FOCAD: variants seen among roughly 807,000 people sequenced by gnomAD.
The protein encoded by FOCAD is KIAA1797.
In FOCAD, 198 loss-of-function variants were observed where a neutral mutation model predicts 225.6. The ratio of observed to expected loss-of-function variants is 0.88; its 90% CI spans 0.78 to 0.99. The LOEUF is 0.99. Ranked by LOEUF, FOCAD falls within the 50% of genes least tolerant of loss-of-function variation. The probability of loss-of-function intolerance (pLI) is 0.00; values close to 1 mark genes in which losing one functional copy is unlikely to be tolerated. For missense variants in FOCAD, 2,713 were observed against 2,123.6 expected (o/e 1.28, Z -5.46); for synonymous variants, 897 against 755.0 (o/e 1.19, Z -3.08).
intron 4 of FOCAD, among the ~76,000 whole-genome samples, chr9:20,726,087 C>G (rs1270022675): frequency 6.6e-6 from 1 of 152,098 alleles, no homozygotes; most frequent in Non-Finnish European, 1.5e-5. Context: ...TGAAATGAAA[C>G]TGAAAATAAA....
chr9:20,957,754 G>C (rs1354196045), intron 35 of FOCAD: 7 of 124,348 alleles, frequency 5.6e-5, no homozygotes, highest in African/African-American at 1.9e-4. Context: ...CTGGCCTCAA[G>C]TTATCTGCCC....
At chr9:20,892,238 A>T (rs1048256351) in intron 21 of FOCAD, among the ~76,000 whole-genome samples, 3 of 152,206 alleles carry the variant, frequency 2.0e-5, no homozygotes, top group African/African-American at 7.2e-5. Context: ...CCAACACAAC[A>T]TCCATTCTGC....
chr9:20,706,157 A>G (rs1824371362), intron 1 of FOCAD, among the ~76,000 whole-genome samples: 1 of 151,586 alleles, frequency 6.6e-6, no homozygotes, highest in Non-Finnish European at 1.5e-5. Context: ...CTGGTCTCAA[A>G]CTCTTGGGCT....
In FOCAD at chr9:20,784,492, G is replaced by C. The variant is rs149323053; in HGVS notation, c.1197+2563G>C. On this transcript the variant is annotated intron_variant, in intron 10 of 43. Transcript: ENST00000338382. ...AGAAAGAATCGGAAAAGTTTTTTTG[G>C]AGGGGAGTAAGGGTGGATGGGTGAG... Among the ~76,000 whole-genome samples, 85 of 152,278 alleles carry C rather than the reference G, an allele frequency of 5.6e-4. 1 individual carries two copies. In the East Asian group the frequency reaches 0.014, roughly 25 times the overall value.
chr9:20,771,445 T>G (rs970300432), intron 8 of FOCAD, among the ~76,000 whole-genome samples: 1 of 152,154 alleles, frequency 6.6e-6, no homozygotes, highest in South Asian at 2.1e-4. Flanking sequence ...TACCACAGAC[T>G]GGGTGGCTTA....
chr9:20,713,272 C>T (rs755161011), intron 1 of FOCAD, among the ~76,000 whole-genome samples: 6 of 152,212 alleles, frequency 3.9e-5, no homozygotes, highest in Non-Finnish European at 8.8e-5. Context: ...TTTCCTCCTT[C>T]ACTCTGCTGT....
chr9:20,799,413 T>C (rs1821524303), intron 11 of FOCAD, among the ~76,000 whole-genome samples: 1 of 152,176 alleles, frequency 6.6e-6, no homozygotes, highest in Admixed American at 6.5e-5. Context: ...GTTAACTTTT[T>C]GTCTCGTTGA....
chr9:20,912,356 A>G (rs137945134), intron 22 of FOCAD, among the ~76,000 whole-genome samples: 45 of 152,208 alleles, frequency 3.0e-4, no homozygotes, highest in African/African-American at 1.0e-3. Context: ...TATGGTACCT[A>G]TTTTTATAAG....
At chr9:20,852,020 A>G (rs1442105281) in intron 15 of FOCAD, among the ~76,000 whole-genome samples, 1 of 151,790 alleles carries the variant, frequency 6.6e-6, no homozygotes, top group Non-Finnish European at 1.5e-5. Flanking sequence ...GCCCTGTCCT[A>G]GCTGGTGATA....
Position 20,995,683 on chromosome 9 carries a change from G to C in FOCAD, c.*54G>C. On this transcript the variant is annotated 3_prime_UTR_variant, in exon 44 of 44. Transcript: ENST00000338382. The stretch of plus-strand genomic sequence containing the variant: ...CAGCTGGATGAGGAAAACCATATAA[G>C]TGGAAGAAGTTTTTCAGAATTCATG... 1 of 1,522,932 alleles carries C rather than the reference G, an allele frequency of 6.6e-7. No individual in the cohort carries two copies. Among genetic ancestry groups the C allele is most frequent in the Non-Finnish European group, 9.1e-7 (1 of 1,099,844 alleles). The allele number at this position is 1,522,932 out of a possible 1,614,324, so 94.3% of individuals were successfully genotyped here. A position where few individuals can be genotyped will look rare whatever the true frequency, so the allele number is the denominator to read the frequency against.
Position 20,990,294 on chromosome 9 carries a change from C to T in FOCAD, c.5176C>T (p.Leu1726=). The T allele has an allele frequency of 6.2e-7, 1 of 1,614,094 alleles. No individual in the cohort carries two copies. Among genetic ancestry groups the T allele is most frequent in the Non-Finnish European group, 8.5e-7 (1 of 1,179,970 alleles). Residue 1726 remains leucine, a synonymous_variant, in exon 42 of 44, where the codon CTG becomes TTG. Transcript: ENST00000338382. Reference sequence around the variant, plus strand: ...CAGGAGTCCAATGCACAGGGTCACTCTGCAGGAGGTTCTCACTCTCCTTCC... The same window carrying T: ...CAGGAGTCCAATGCACAGGGTCACTTTGCAGGAGGTTCTCACTCTCCTTCC... ...LGRSPMHRVT[L]QEVLTLLPNS...
intron 5 of FOCAD, among the ~76,000 whole-genome samples, chr9:20,750,024 T>A (rs1375546460): frequency 1.3e-5 from 2 of 152,194 alleles, no homozygotes; most frequent in Non-Finnish European, 1.5e-5. Flanking sequence ...TCTGTGCTGT[T>A]GATGATATTA....
intron 9 of FOCAD, among the ~76,000 whole-genome samples, chr9:20,781,342 C>T (rs1819339840): frequency 6.6e-6 from 1 of 152,136 alleles, no homozygotes; most frequent in Non-Finnish European, 1.5e-5. Flanking sequence ...TTCTTAGCTG[C>T]CTTTGTAAAG....
chr9:20,860,867 C>T (rs1020746525), intron 15 of FOCAD, among the ~76,000 whole-genome samples: 1 of 152,216 alleles, frequency 6.6e-6, no homozygotes, highest in Admixed American at 6.5e-5. Flanking sequence ...AACTTGAAAT[C>T]TCTAAAGCCT....
At chr9:20,720,649 T>A in intron 4 of FOCAD, 115 bp downstream of exon 4, 1 of 1,029,154 alleles carries the variant, frequency 9.7e-7, no homozygotes, top group Non-Finnish European at 1.4e-6. Flanking sequence ...TTTCTTGCTC[T>A]TAAAATGTCA....
intron 1 of FOCAD, among the ~76,000 whole-genome samples, chr9:20,712,267 T>A (rs1824912378): frequency 2.0e-5 from 3 of 152,190 alleles, no homozygotes; most frequent in Admixed American, 2.0e-4. Context: ...TGATGGCAGC[T>A]CTATCTTTTC....
chr9:20,744,701 G>T (rs139244552), intron 5 of FOCAD, among the ~76,000 whole-genome samples: 2 of 152,130 alleles, frequency 1.3e-5, no homozygotes, highest in Non-Finnish European at 2.9e-5. Flanking sequence ...GATTTCCAGC[G>T]TGCAGGTAAG....
chr9:20,850,283 T>C (rs937281333), intron 15 of FOCAD, among the ~76,000 whole-genome samples: 60 of 151,876 alleles, frequency 4.0e-4, no homozygotes, highest in African/African-American at 1.4e-3. Context: ...AATTTCTTTT[T>C]CAAAAACATT....
chr9:20,901,363 T>A (rs1832548559), intron 21 of FOCAD, among the ~76,000 whole-genome samples: 2 of 151,818 alleles, frequency 1.3e-5, no homozygotes, highest in African/African-American at 4.8e-5. Context: ...AAGATTGGGG[T>A]TTTAAAATTA....
Sources: allele counts gnomAD v4.1 joint callset (sites outside exome capture counted in the v4.1 genomes callset), GRCh38; gene constraint gnomAD v4.1.1; transcripts MANE v1.5; gene names NCBI Gene and HGNC (gene_info 2026-07-23, HGNC 2026-07-21).